Variants in AHRR observed in about 807,000 individuals in gnomAD.
AHRR encodes the protein ahR repressor.
Under a neutral mutation model 44.0 loss-of-function variants are expected in AHRR, and 28 were observed. The observed-to-expected ratio is 0.64, with a 90% CI of 0.47 to 0.87. The LOEUF (loss-of-function observed/expected upper bound fraction) is 0.87, where lower values mean the gene tolerates loss of function less well. AHRR is among the 40% of genes least tolerant of loss of function. The pLI is 0.00. For synonymous variants in AHRR, 434 were observed against 407.0 expected (o/e 1.07, Z -0.80); for missense variants, 990 against 953.9 (o/e 1.04, Z -0.50).
intron 2 of AHRR, among the ~76,000 whole-genome samples, chr5:347,452 T>A (rs917669406): frequency 1.3e-5 from 2 of 152,244 alleles, no homozygotes; most frequent in Admixed American, 6.5e-5. Context: ...TAGGAGAATA[T>A]TCCCATTAGT....
chr5:432,339 T>C, intron 8 of AHRR, 124 bp from the exon 9 acceptor site: 2 of 860,804 alleles, frequency 2.3e-6, no homozygotes, highest in Non-Finnish European at 3.8e-6. Context: ...ATTGTTTCTG[T>C]CTTCACTGCT....
At chr5:340,892 T>C (rs1742325813) in intron 1 of AHRR, among the ~76,000 whole-genome samples, 1 of 148,014 alleles carries the variant, frequency 6.8e-6, no homozygotes, top group African/African-American at 2.5e-5. Flanking sequence ...GAGACAGGGT[T>C]TCACCATGTT....
chr5:408,828 G>A (rs1735368303), intron 4 of AHRR, among the ~76,000 whole-genome samples: 1 of 152,014 alleles, frequency 6.6e-6, no homozygotes, highest in South Asian at 2.1e-4. Context: ...ATTTTTGTGG[G>A]GTAATTCCTT....
chr5:400,870 A>G (rs1171949144), intron 4 of AHRR, among the ~76,000 whole-genome samples: 1 of 152,224 alleles, frequency 6.6e-6, no homozygotes, highest in Non-Finnish European at 1.5e-5. Context: ...TTGAACTATT[A>G]TTAGTAGGAC....
chr5:424,080 A>C, intron 7 of AHRR, 103 bp downstream of exon 7: 3 of 1,464,492 alleles, frequency 2.0e-6, no homozygotes, highest in Non-Finnish European at 2.7e-6. Flanking sequence ...GCGTTAAACC[A>C]CATGTCCCTG....
intron 5 of AHRR, among the ~76,000 whole-genome samples, chr5:415,497 G>A (rs60464781): frequency 0.035 from 565 of 16,028 alleles, 76 homozygotes; most frequent in Non-Finnish European, 0.068. Flanking sequence ...TAGGGGCCGA[G>A]TCTCCCTGGT....
chr5:355,466 T>G (rs1743007079), intron 3 of AHRR, among the ~76,000 whole-genome samples: 1 of 152,104 alleles, frequency 6.6e-6, no homozygotes, highest in African/African-American at 2.4e-5. Flanking sequence ...GGAGGCTTTG[T>G]CCCGAGCTGA....
chr5:432,333 T>A, intron 8 of AHRR, 130 bp from the exon 9 acceptor site: 2 of 820,708 alleles, frequency 2.4e-6, no homozygotes, highest in Non-Finnish European at 4.0e-6. Flanking sequence ...TGAACTATTG[T>A]TTCTGTCTTC....
rs1268620102 is a variant in AHRR at position 419,100 on chromosome 5, T to G, written c.442-3629T>G. The G allele has an allele frequency of 6.6e-6, 1 of 152,194 alleles. No homozygotes were observed. Among genetic ancestry groups the G allele is most frequent in the Non-Finnish European group, 1.5e-5 (1 of 68,090 alleles). The allele number at this position is 152,194 out of a possible 1,614,324, so 9.4% of individuals were successfully genotyped here. On this transcript the variant is annotated intron_variant, in intron 5 of 10. Coordinates refer to ENST00000684583, the MANE Select transcript of AHRR (RefSeq NM_001377236.1). The surrounding 1 kb of genome is among the most constrained non-coding windows in gnomAD (Gnocchi z 4.4). ...AGCTGAAGGAGTCTCTCTCTTCTATTGGGAAATAAGTCTTTGCCTGTGGTC... is the reference window on the plus strand; with the variant it reads ...AGCTGAAGGAGTCTCTCTCTTCTATGGGGAAATAAGTCTTTGCCTGTGGTC...
intron 1 of AHRR, among the ~76,000 whole-genome samples, chr5:332,018 T>A (rs1741939400): frequency 6.6e-6 from 1 of 152,160 alleles, no homozygotes; most frequent in Non-Finnish European, 1.5e-5. Context: ...CGTGTTTAAT[T>A]TTCATTTGTT....
chr5:433,694 G>GT (rs976731165), intron 10 of AHRR, among the ~76,000 whole-genome samples, 159 bp from the exon 11 acceptor site: 52 of 152,216 alleles, frequency 3.4e-4, no homozygotes, highest in Non-Finnish European at 5.9e-4. Context: ...TGGGCTGCTG[G>GT]GGGGGTTAGA....
chr5:432,415 A>G (rs769280518), intron 8 of AHRR, 48 bp from the exon 9 acceptor site: 3 of 1,571,880 alleles, frequency 1.9e-6, no homozygotes, highest in Admixed American at 1.7e-5. Context: ...TCCACATGTC[A>G]TCTTGTTCAT....
In AHRR at chr5:370,962, C is replaced by A. The variant is rs367857615; in HGVS notation, c.245-5648C>A. 5.7e-4 allele frequency among the ~76,000 whole-genome samples: 87 copies of A among 152,248 alleles called. 4 individuals are homozygous for A. The South Asian group carries it at 0.018, about 31-fold the overall frequency. On this transcript the variant is annotated intron_variant, in intron 3 of 10. Coordinates refer to ENST00000684583, the MANE Select transcript of AHRR (RefSeq NM_001377236.1). This position sits in a 1 kb window ranked among gnomAD's most constrained non-coding sequence, Gnocchi z 4.5. The stretch of plus-strand genomic sequence containing the variant: ...GGCTCTGCAGAAAAACAGAACCGAC[C>A]GGAGACAGATATGGGGAGGCTTATT...
chr5:369,862 C>T (rs1743504030), intron 3 of AHRR, among the ~76,000 whole-genome samples: 1 of 152,250 alleles, frequency 6.6e-6, no homozygotes, highest in Non-Finnish European at 1.5e-5. Context: ...AACGGTTTCT[C>T]ATCCAGTTCT....
rs934897301 is a variant in AHRR at position 343,684 on chromosome 5, G to A, written c.-10-209G>A. 1.3e-5 allele frequency: 7 copies of A among 528,876 alleles called. No homozygotes were observed. The Admixed American group carries it at 2.1e-4, about 16-fold the overall frequency. 32.8% of individuals were successfully genotyped at this position (528,876 alleles called of 1,614,324 possible). The stretch of plus-strand genomic sequence containing the variant: ...CCTGACACCGAGGGGAGGCCCAGGC[G>A]TGACCCGGCCCCGGTGGCTCCTCGG... On this transcript the variant is annotated intron_variant, in intron 1 of 10. Coordinates refer to ENST00000684583, the MANE Select transcript of AHRR (RefSeq NM_001377236.1).
At chr5:401,021 C>T (rs906118370) in intron 4 of AHRR, among the ~76,000 whole-genome samples, 5 of 152,182 alleles carry the variant, frequency 3.3e-5, no homozygotes, top group African/African-American at 7.2e-5. Flanking sequence ...CCGTGTGGGG[C>T]GGGAGTGAGG....
rs1283687034 is a variant in AHRR at position 388,305 on chromosome 5, CAG to C, written c.351+11590_351+11591del. Among the ~76,000 whole-genome samples, 5 of 152,220 alleles carry C rather than the reference CAG, an allele frequency of 3.3e-5. No homozygotes were observed. The highest frequency in any genetic ancestry group is 5.9e-5 in the Non-Finnish European group (4 of 68,034). ...CCAAGCCCTGAACTGCTGTCGTACA[CAG>C]GGCTCAGTGCGACTGCGCCTGGGGC... On this transcript the variant is annotated intron_variant, in intron 4 of 10. Transcript: ENST00000684583. The surrounding 1 kb of genome is among the most constrained non-coding windows in gnomAD (Gnocchi z 5.2).
Position 370,147 on chromosome 5 carries a change from G to A in AHRR, c.245-6463G>A, listed in dbSNP as rs191168531. Reference sequence around the variant, plus strand: ...CCTCCCGGGCCCTCGCTGGTGCCCCGTCCTCCCGGGCCCTCGCTGGAAGCC... The same window carrying A: ...CCTCCCGGGCCCTCGCTGGTGCCCCATCCTCCCGGGCCCTCGCTGGAAGCC... On this transcript the variant is annotated intron_variant, in intron 3 of 10. Coordinates refer to ENST00000684583, the MANE Select transcript of AHRR (RefSeq NM_001377236.1). The surrounding 1 kb of genome is among the most constrained non-coding windows in gnomAD (Gnocchi z 4.5). Among the ~76,000 whole-genome samples, 11 of 140,850 alleles carry A rather than the reference G, an allele frequency of 7.8e-5. No individual in the cohort carries two copies. Among genetic ancestry groups the A allele is most frequent in the East Asian group, 2.1e-4 (1 of 4,782 alleles). The allele number at this position is 140,850 out of a possible 152,430, so 92.4% of individuals were successfully genotyped here. A position where few individuals can be genotyped will look rare whatever the true frequency, so the allele number is the denominator to read the frequency against.
At chr5:413,690 G>T (rs577628771) in intron 5 of AHRR, among the ~76,000 whole-genome samples, 184 of 152,308 alleles carry the variant, frequency 1.2e-3, no homozygotes, top group African/African-American at 4.3e-3. Flanking sequence ...GCGGACGGCA[G>T]CATGGTCTCC....
Sources: gnomAD v4.1 joint callset for allele counts (sites outside exome capture counted in the v4.1 genomes callset) on GRCh38, gnomAD v4.1.1 for gene constraint, Gnocchi (gnomAD v3.1) non-coding constraint, MANE v1.5 for transcripts, NCBI Gene and HGNC (gene_info 2026-07-23, HGNC 2026-07-21) for gene names.